CMSS1: variants seen among roughly 807,000 people sequenced by gnomAD.
CMSS1 encodes protein CMSS1.
CMSS1 carries 33 observed loss-of-function variants against 43.5 expected under a neutral mutation model. The observed-to-expected ratio is 0.76, with a 90% CI of 0.57 to 1.01. CMSS1 has a LOEUF of 1.01. Ranked by LOEUF, CMSS1 falls within the 50% of genes least tolerant of loss-of-function variation. The probability of loss-of-function intolerance (pLI) is 0.00; values close to 1 mark genes in which losing one functional copy is unlikely to be tolerated. For missense variants in CMSS1, 313 were observed against 326.4 expected (o/e 0.96, Z 0.32); for synonymous variants, 115 against 117.2 (o/e 0.98, Z 0.12).
intron 1 of CMSS1, among the ~76,000 whole-genome samples, chr3:100,144,645 A>G (rs2066832727): frequency 6.6e-6 from 1 of 152,204 alleles, no homozygotes; most frequent in African/African-American, 2.4e-5. Flanking sequence ...GGATGAGGTC[A>G]TAGTTTTTTC....
chr3:100,000,738 A>T (rs908620119), intron 1 of CMSS1, among the ~76,000 whole-genome samples: 1 of 152,302 alleles, frequency 6.6e-6, no homozygotes, highest in Admixed American at 6.5e-5. Flanking sequence ...TAAAAATTCT[A>T]ACCCCTATTC....
At chr3:99,977,336 C>G (rs980579443) in intron 1 of CMSS1, among the ~76,000 whole-genome samples, 2 of 151,904 alleles carry the variant, frequency 1.3e-5, no homozygotes, top group Non-Finnish European at 2.9e-5. Context: ...AAAGGTTGAT[C>G]TAGTAGCTGA....
chr3:100,021,259 G>A (rs1377295010), intron 1 of CMSS1, among the ~76,000 whole-genome samples: 1 of 152,160 alleles, frequency 6.6e-6, no homozygotes, highest in Non-Finnish European at 1.5e-5. Flanking sequence ...ACCCTATAGA[G>A]CTCTCCTTAT....
At chr3:99,950,314 T>G (rs768061918) in intron 1 of CMSS1, among the ~76,000 whole-genome samples, 1 of 152,176 alleles carries the variant, frequency 6.6e-6, no homozygotes, top group Non-Finnish European at 1.5e-5. Flanking sequence ...TGTTAGAAAT[T>G]TTTACAGCAT....
intron 1 of CMSS1, among the ~76,000 whole-genome samples, chr3:100,004,029 A>G (rs1359448915): frequency 6.6e-6 from 1 of 152,206 alleles, no homozygotes; most frequent in Non-Finnish European, 1.5e-5. Context: ...TGCCTCTCTC[A>G]GGGTAAGCAT....
intron 1 of CMSS1, among the ~76,000 whole-genome samples, chr3:99,971,983 C>T (rs1301115378): frequency 6.6e-6 from 1 of 152,188 alleles, no homozygotes. Flanking sequence ...ATAAAATTAG[C>T]ACACTGACAT....
chr3:99,860,537 G>A (rs981644132), intron 1 of CMSS1, among the ~76,000 whole-genome samples: 1 of 152,178 alleles, frequency 6.6e-6, no homozygotes, highest in African/African-American at 2.4e-5. Context: ...TCCAGAACAA[G>A]TAAAAGGCCA....
chr3:99,895,914 C>T (rs941387903), intron 1 of CMSS1, among the ~76,000 whole-genome samples: 1 of 152,142 alleles, frequency 6.6e-6, no homozygotes, highest in Non-Finnish European at 1.5e-5. Context: ...GACAAAGGAA[C>T]CCATCATCTA....
intron 1 of CMSS1, among the ~76,000 whole-genome samples, chr3:100,119,398 T>G (rs2066601559): frequency 6.6e-6 from 1 of 152,222 alleles, no homozygotes; most frequent in African/African-American, 2.4e-5. Context: ...ATGGATCATG[T>G]AACCCTCATA....
chr3:99,930,566 A>G (rs894271928), intron 1 of CMSS1, among the ~76,000 whole-genome samples: 22 of 152,178 alleles, frequency 1.4e-4, no homozygotes, highest in African/African-American at 5.3e-4. Context: ...TGCCAATCAC[A>G]TGTCATCATG....
intron 1 of CMSS1, among the ~76,000 whole-genome samples, chr3:100,144,952 C>T (rs2066835616): frequency 6.6e-6 from 1 of 152,124 alleles, no homozygotes; most frequent in Admixed American, 6.5e-5. Flanking sequence ...TATGTAATGT[C>T]TAGGATTTTT....
At chr3:100,003,671 C>A (rs915363368) in intron 1 of CMSS1, among the ~76,000 whole-genome samples, 1 of 151,912 alleles carries the variant, frequency 6.6e-6, no homozygotes, top group African/African-American at 2.4e-5. Context: ...AGAAAACTCT[C>A]CAGTTTTCTT....
intron 1 of CMSS1, among the ~76,000 whole-genome samples, chr3:100,102,541 G>A (rs1414698518): frequency 1.3e-5 from 2 of 152,128 alleles, no homozygotes; most frequent in East Asian, 1.9e-4. Flanking sequence ...TACGTCTCTT[G>A]TAACACTTTT....
chr3:99,851,619 G>A (rs979787408), intron 1 of CMSS1, among the ~76,000 whole-genome samples: 1 of 152,178 alleles, frequency 6.6e-6, no homozygotes, highest in East Asian at 1.9e-4. Flanking sequence ...GGTATTAGTT[G>A]TTGCTGCTGT....
chr3:100,084,453 T>C (rs1163504981), intron 1 of CMSS1, among the ~76,000 whole-genome samples: 1 of 152,176 alleles, frequency 6.6e-6, no homozygotes, highest in Admixed American at 6.5e-5. Flanking sequence ...ATTTCAGATA[T>C]ATAGAAAAAC....
intron 1 of CMSS1, among the ~76,000 whole-genome samples, chr3:100,135,802 G>C (rs1193611602): frequency 6.6e-6 from 1 of 152,042 alleles, no homozygotes; most frequent in Admixed American, 6.5e-5. Flanking sequence ...TTTTTCTTTA[G>C]TTGTGTTTTT....
chr3:99,979,330 A>T (rs1465698110), intron 1 of CMSS1, among the ~76,000 whole-genome samples: 2 of 152,224 alleles, frequency 1.3e-5, no homozygotes, highest in Non-Finnish European at 2.9e-5. Flanking sequence ...CACTAAAAAG[A>T]TAAAAAGCTT....
chr3:100,008,533 T>C (rs185531895), intron 1 of CMSS1, among the ~76,000 whole-genome samples: 6 of 152,272 alleles, frequency 3.9e-5, no homozygotes, highest in Admixed American at 3.9e-4. Context: ...GATGTCAAGA[T>C]GGAAATCTAC....
At chr3:99,903,313 G>T (rs916491003) in intron 1 of CMSS1, among the ~76,000 whole-genome samples, 1 of 151,762 alleles carries the variant, frequency 6.6e-6, no homozygotes, top group Non-Finnish European at 1.5e-5. Flanking sequence ...GTGCAGTGGC[G>T]TGATCTCAGC....
Sources: allele counts gnomAD v4.1 joint callset (sites outside exome capture counted in the v4.1 genomes callset), GRCh38; gene constraint gnomAD v4.1.1; transcripts MANE v1.5; gene names NCBI Gene and HGNC (gene_info 2026-07-23, HGNC 2026-07-21).